ENOX1: variants seen among roughly 807,000 people sequenced by gnomAD.
ENOX1 encodes candidate growth-related and time keeping constitutive hydroquinone (NADH) oxidase.
In ENOX1, 42 loss-of-function variants were observed where a neutral mutation model predicts 82.5. That is an observed-to-expected ratio of 0.51 (90% CI 0.40 to 0.66). ENOX1 has a LOEUF of 0.66. ENOX1 is among the 30% of genes least tolerant of loss of function. The probability of loss-of-function intolerance (pLI) is 0.00; values close to 1 mark genes in which losing one functional copy is unlikely to be tolerated. For missense variants in ENOX1, 608 were observed against 811.6 expected, an observed-to-expected ratio of 0.75 and a Z score of 3.05; for synonymous variants, 271 against 282.2, an observed-to-expected ratio of 0.96 and a Z score of 0.40.
chr13:43,507,829 C>T (rs1182131374), intron 2 of ENOX1, among the ~76,000 whole-genome samples: 1 of 151,746 alleles, frequency 6.6e-6, no homozygotes, highest in African/African-American at 2.4e-5. Context: ...AGGCAGATTA[C>T]ACAAAGAAAA....
At chr13:43,354,466 C>T (rs935984486) in intron 8 of ENOX1, among the ~76,000 whole-genome samples, 5 of 148,188 alleles carry the variant, frequency 3.4e-5, no homozygotes, top group African/African-American at 1.3e-4. Context: ...CCCCCGCTGC[C>T]ACCTTTTTTT....
At chr13:43,552,498 T>C (rs941615789) in intron 2 of ENOX1, among the ~76,000 whole-genome samples, 1 of 152,190 alleles carries the variant, frequency 6.6e-6, no homozygotes, top group African/African-American at 2.4e-5. Flanking sequence ...GGTTAAATAA[T>C]TTAGCTCTTC....
chr13:43,265,838 A>G (rs1024329311), intron 13 of ENOX1, among the ~76,000 whole-genome samples: 1 of 152,242 alleles, frequency 6.6e-6, no homozygotes, highest in African/African-American at 2.4e-5. Context: ...ATGATGTTAT[A>G]TTAACGATTA....
At chr13:43,543,907 CTTTTTCTTTTTTTTT>C (rs1169166505) in intron 2 of ENOX1, 3 of 131,550 alleles carry the variant, frequency 2.3e-5, no homozygotes, top group African/African-American at 8.4e-5. Flanking sequence ...TGTCTTTTTT[CTTTTTCTTTTTTTTT>C]TTTTTTTTTT....
At chr13:43,777,612 G>A (rs935062716) in intron 1 of ENOX1, among the ~76,000 whole-genome samples, 6 of 149,630 alleles carry the variant, frequency 4.0e-5, no homozygotes, top group East Asian at 2.0e-4. Context: ...GCATGATCTC[G>A]ACTCACTGCA....
rs201385514 is a variant in ENOX1 at position 43,455,803 on chromosome 13, AG to A, written c.-75+28205del. 4.4e-3 allele frequency among the ~76,000 whole-genome samples: 675 copies of A among 152,042 alleles called. 5 individuals carry two copies. The highest frequency in any genetic ancestry group is 0.015 in the African/African-American group (624 of 41,512). On this transcript the variant is annotated intron_variant, in intron 3 of 16. Coordinates refer to ENST00000690772, the MANE Select transcript of ENOX1 (RefSeq NM_001347969.2). ...TCTCATGAGATCTGACGGTTTTATA[AG>A]GGGAAACCCCGTTTGCTTGCTTCTC...
intron 2 of ENOX1, among the ~76,000 whole-genome samples, chr13:43,521,576 C>G (rs1234615569): frequency 1.3e-5 from 2 of 152,166 alleles, no homozygotes; most frequent in African/African-American, 4.8e-5. Flanking sequence ...AATTTTGTTA[C>G]TGAGCCCTAT....
chr13:43,228,017 T>G (rs1033218502), intron 15 of ENOX1, among the ~76,000 whole-genome samples: 2 of 151,320 alleles, frequency 1.3e-5, no homozygotes, highest in African/African-American at 2.4e-5. Flanking sequence ...CTTGAGAAAA[T>G]GTTTCTAGGC....
At chr13:43,312,632 T>C (rs1400509241) in intron 11 of ENOX1, among the ~76,000 whole-genome samples, 3 of 152,228 alleles carry the variant, frequency 2.0e-5, no homozygotes, top group African/African-American at 7.2e-5. Context: ...TGAACATCCC[T>C]ATGCACTTCA....
intron 2 of ENOX1, among the ~76,000 whole-genome samples, chr13:43,599,485 C>T (rs1481255364): frequency 6.6e-6 from 1 of 152,002 alleles, no homozygotes; most frequent in East Asian, 2.0e-4. Context: ...TAGACCAGCC[C>T]TAACCAGAGA....
At chr13:43,399,088 C>T (rs997671148) in intron 5 of ENOX1, among the ~76,000 whole-genome samples, 40 of 151,986 alleles carry the variant, frequency 2.6e-4, no homozygotes, top group Middle Eastern at 6.8e-3. Flanking sequence ...GGCCCAGCCC[C>T]TTCCTTATCA....
intron 13 of ENOX1, among the ~76,000 whole-genome samples, 164 bp downstream of exon 13, chr13:43,269,306 G>A (rs1338668522): frequency 6.6e-6 from 1 of 152,214 alleles, no homozygotes; most frequent in Non-Finnish European, 1.5e-5. Context: ...CTGGGAATGA[G>A]GTTATAAATT....
intron 2 of ENOX1, among the ~76,000 whole-genome samples, chr13:43,488,886 G>A (rs2076522074): frequency 6.6e-6 from 1 of 152,198 alleles, no homozygotes; most frequent in African/African-American, 2.4e-5. Flanking sequence ...CCTGTCCTAG[G>A]ACTCTGTGAA....
intron 5 of ENOX1, among the ~76,000 whole-genome samples, chr13:43,407,728 T>C: frequency 6.6e-6 from 1 of 152,170 alleles, no homozygotes; most frequent in South Asian, 2.1e-4. Flanking sequence ...TTTGCCACCA[T>C]TGTTAGGCCA....
chr13:43,635,734 G>A (rs762080175), intron 2 of ENOX1, among the ~76,000 whole-genome samples: 1 of 152,126 alleles, frequency 6.6e-6, no homozygotes, highest in African/African-American at 2.4e-5. Flanking sequence ...CATTAGACTT[G>A]CAGTTAAAGA....
At chr13:43,505,830 C>A (rs1324732801) in intron 2 of ENOX1, among the ~76,000 whole-genome samples, 1 of 152,008 alleles carries the variant, frequency 6.6e-6, no homozygotes, top group African/African-American at 2.4e-5. Context: ...CTTGCCCATG[C>A]CTATGTCCTG....
At chr13:43,626,705 A>G (rs2082979570) in intron 2 of ENOX1, among the ~76,000 whole-genome samples, 1 of 151,894 alleles carries the variant, frequency 6.6e-6, no homozygotes, top group Admixed American at 6.6e-5. Context: ...AAATCACTCA[A>G]GCTATTATCT....
intron 1 of ENOX1, among the ~76,000 whole-genome samples, chr13:43,772,072 A>G (rs1246814441): frequency 6.6e-6 from 1 of 150,848 alleles, no homozygotes; most frequent in African/African-American, 2.4e-5. Context: ...CATTGGTGTG[A>G]TATCTCTTTA....
At chr13:43,277,309 T>C (rs550626496) in intron 12 of ENOX1, among the ~76,000 whole-genome samples, 3 of 152,322 alleles carry the variant, frequency 2.0e-5, no homozygotes, top group East Asian at 1.9e-4. Flanking sequence ...CATTTATAGC[T>C]GAGAGATGGT....
Sources: gnomAD v4.1 joint callset for allele counts (sites outside exome capture counted in the v4.1 genomes callset) on GRCh38, gnomAD v4.1.1 for gene constraint, MANE v1.5 for transcripts, NCBI Gene and HGNC (gene_info 2026-07-23, HGNC 2026-07-21) for gene names.